Variants in SLC4A4 observed in about 807,000 individuals in gnomAD.
The protein encoded by SLC4A4 is electrogenic sodium bicarbonate cotransporter 1.
SLC4A4 carries 27 observed loss-of-function variants against 111.5 expected under a neutral mutation model. The ratio of observed to expected loss-of-function variants is 0.24; its 90% CI spans 0.18 to 0.33. The LOEUF (loss-of-function observed/expected upper bound fraction) is 0.33, where lower values mean the gene tolerates loss of function less well. Ranked by LOEUF, SLC4A4 falls within the 10% of genes least tolerant of loss-of-function variation. The probability of loss-of-function intolerance (pLI) is 1.00; values close to 1 mark genes in which losing one functional copy is unlikely to be tolerated. For synonymous variants in SLC4A4, 443 were observed against 463.4 expected, an observed-to-expected ratio of 0.96 and a Z score of 0.57; for missense variants, 909 against 1,315.5, an observed-to-expected ratio of 0.69 and a Z score of 4.78.
chr4:71,441,307 G>T (rs182000560), intron 8 of SLC4A4, among the ~76,000 whole-genome samples: 1 of 152,168 alleles, frequency 6.6e-6, no homozygotes, highest in African/African-American at 2.4e-5. Context: ...TTATAATCAC[G>T]TACTCATTTC....
intron 6 of SLC4A4, among the ~76,000 whole-genome samples, chr4:71,387,243 T>C (rs1363327508): frequency 6.6e-6 from 1 of 152,200 alleles, no homozygotes; most frequent in Non-Finnish European, 1.5e-5. Context: ...CACTGACATT[T>C]CTAAATAGCA....
intron 2 of SLC4A4, among the ~76,000 whole-genome samples, chr4:71,122,856 G>A (rs1371588497): frequency 6.6e-6 from 1 of 152,144 alleles, no homozygotes; most frequent in Non-Finnish European, 1.5e-5. Flanking sequence ...TCTGCCTCAT[G>A]TCAATATGAA....
intron 7 of SLC4A4, among the ~76,000 whole-genome samples, chr4:71,413,645 C>T (rs1469661016): frequency 1.3e-5 from 2 of 152,062 alleles, no homozygotes; most frequent in Non-Finnish European, 1.5e-5. Context: ...TTTTCTGTCC[C>T]CATGGTATGG....
chr4:71,478,044 C>A (rs1335154867), intron 14 of SLC4A4, among the ~76,000 whole-genome samples: 1 of 151,866 alleles, frequency 6.6e-6, no homozygotes, highest in Non-Finnish European at 1.5e-5. Flanking sequence ...TGGGGAAATG[C>A]AAATCAAAAC....
At chr4:71,346,208 C>T (rs1179019736) in intron 4 of SLC4A4, among the ~76,000 whole-genome samples, 2 of 151,830 alleles carry the variant, frequency 1.3e-5, no homozygotes. Context: ...CTGAAAATGT[C>T]TTAAACTGCA....
At chr4:71,171,479 A>G (rs533315169) in intron 2 of SLC4A4, among the ~76,000 whole-genome samples, 74 of 152,332 alleles carry the variant, frequency 4.9e-4, no homozygotes, top group Non-Finnish European at 9.7e-4. Flanking sequence ...TGTTCCCTCA[A>G]TTGTAGAACA....
chr4:71,407,003 T>C (rs1367627322), intron 7 of SLC4A4, among the ~76,000 whole-genome samples: 1 of 152,092 alleles, frequency 6.6e-6, no homozygotes, highest in Non-Finnish European at 1.5e-5. Flanking sequence ...CATGAGGAGA[T>C]TAAGTAATTT....
intron 3 of SLC4A4, among the ~76,000 whole-genome samples, chr4:71,260,725 A>G (rs2579331): frequency 0.7 from 106,803 of 152,098 alleles, 40,827 homozygotes; most frequent in Non-Finnish European, 0.87. Context: ...TTTGAGCCAG[A>G]TTACTTGAGT....
intron 6 of SLC4A4, among the ~76,000 whole-genome samples, chr4:71,384,062 A>T (rs1211077504): frequency 6.6e-6 from 1 of 152,222 alleles, no homozygotes; most frequent in East Asian, 1.9e-4. Flanking sequence ...CAAGCATCTC[A>T]GTTCAGCTTG....
At chr4:71,513,589 T>A (rs1732117709) in intron 16 of SLC4A4, among the ~76,000 whole-genome samples, 1 of 152,180 alleles carries the variant, frequency 6.6e-6, no homozygotes, top group South Asian at 2.1e-4. Context: ...ACAATTTAAC[T>A]TCCCCTTTTC....
chr4:71,476,479 C>A (rs1728385559), intron 14 of SLC4A4, among the ~76,000 whole-genome samples: 1 of 151,654 alleles, frequency 6.6e-6, no homozygotes, highest in African/African-American at 2.4e-5. Flanking sequence ...AGCAATTGCA[C>A]AGATGGAGTC....
chr4:71,098,374 C>T (rs1447733951), intron 2 of SLC4A4, among the ~76,000 whole-genome samples: 1 of 152,078 alleles, frequency 6.6e-6, no homozygotes. Flanking sequence ...TATTCTGTTC[C>T]ATCAGTCTAC....
At chr4:71,177,983 T>C (rs371727963) in intron 2 of SLC4A4, among the ~76,000 whole-genome samples, 2 of 152,088 alleles carry the variant, frequency 1.3e-5, no homozygotes, top group South Asian at 2.1e-4. Flanking sequence ...AACTGTCTCT[T>C]AGACCACAGT....
chr4:71,460,309 G>A (rs1178014434), intron 12 of SLC4A4, among the ~76,000 whole-genome samples: 1 of 151,916 alleles, frequency 6.6e-6, no homozygotes, highest in African/African-American at 2.4e-5. Context: ...ATCTGGAATT[G>A]GTTTTTGTGT....
chr4:71,293,004 G>T (rs1312883632), intron 3 of SLC4A4, among the ~76,000 whole-genome samples: 1 of 151,094 alleles, frequency 6.6e-6, no homozygotes, highest in African/African-American at 2.4e-5. Context: ...ACTGCGCCCG[G>T]CTAATTTTTT....
chr4:71,314,740 T>C (rs1257028121), intron 3 of SLC4A4, among the ~76,000 whole-genome samples: 1 of 150,242 alleles, frequency 6.7e-6, no homozygotes, highest in African/African-American at 2.5e-5. Context: ...ATGCAGGGAG[T>C]GGAACAACAC....
chr4:71,547,455 A>G (rs563973467), intron 19 of SLC4A4, among the ~76,000 whole-genome samples, 193 bp from the exon 20 acceptor site: 15 of 152,126 alleles, frequency 9.9e-5, no homozygotes, highest in Non-Finnish European at 1.6e-4. Flanking sequence ...TATTGCAGTC[A>G]CTTTAAGAGA....
At chr4:71,502,442 C>T (rs1731036398) in intron 16 of SLC4A4, among the ~76,000 whole-genome samples, 1 of 152,072 alleles carries the variant, frequency 6.6e-6, no homozygotes, top group Non-Finnish European at 1.5e-5. Context: ...TAGAAATCTT[C>T]TTTCGATGTA....
chr4:71,132,315 T>A (rs778048652), intron 2 of SLC4A4, among the ~76,000 whole-genome samples: 2 of 152,188 alleles, frequency 1.3e-5, no homozygotes, highest in African/African-American at 4.8e-5. Flanking sequence ...ACGGGGGCTC[T>A]AAAATGTATA....
Sources: allele counts gnomAD v4.1 joint callset (sites outside exome capture counted in the v4.1 genomes callset), GRCh38; gene constraint gnomAD v4.1.1; transcripts MANE v1.5; gene names NCBI Gene and HGNC (gene_info 2026-07-23, HGNC 2026-07-21).